The following ARMC2 variants were observed in gnomAD, a reference collection of about 807,000 sequenced individuals.
The protein encoded by ARMC2 is armadillo repeat containing 2.
Under a neutral mutation model 90.3 loss-of-function variants are expected in ARMC2, and 67 were observed. The observed-to-expected ratio is 0.74, with a 90% CI of 0.61 to 0.91. ARMC2 has a LOEUF of 0.91. Among genes scored for constraint, ARMC2 ranks in the 40% least tolerant of loss-of-function variants. The pLI, the probability that ARMC2 is intolerant of heterozygous loss-of-function variation, is 0.00. For missense variants in ARMC2, 920 were observed against 1,030.9 expected (o/e 0.89, Z 1.47); for synonymous variants, 393 against 393.0 (o/e 1.00, Z 0.00).
intron 12 of ARMC2, among the ~76,000 whole-genome samples, chr6:108,939,073 C>G (rs1776222356): frequency 6.6e-6 from 1 of 152,060 alleles, no homozygotes; most frequent in Non-Finnish European, 1.5e-5. Flanking sequence ...ACCACTTCAG[C>G]CTCCCAAAGT....
chr6:108,884,989 G>A (rs981443344), intron 5 of ARMC2, among the ~76,000 whole-genome samples: 3 of 152,148 alleles, frequency 2.0e-5, no homozygotes, highest in Non-Finnish European at 4.4e-5. Flanking sequence ...TGTACTGAAC[G>A]AAATCCTCAC....
the ARMC2 span, among the ~76,000 whole-genome samples, chr6:109,015,372 A>G: frequency 1.6e-4 from 25 of 152,318 alleles, no homozygotes; most frequent in African/African-American, 5.3e-4. Context: ...AAGAGCATGT[A>G]TGGATCACTT....
intron 5 of ARMC2, among the ~76,000 whole-genome samples, chr6:108,878,813 T>C: frequency 6.6e-6 from 1 of 152,188 alleles, no homozygotes; most frequent in Non-Finnish European, 1.5e-5. Context: ...TACTTCACCA[T>C]CACTTGCTTT....
chr6:108,950,938 G>A (rs1417419155), intron 12 of ARMC2, among the ~76,000 whole-genome samples: 1 of 152,154 alleles, frequency 6.6e-6, no homozygotes, highest in Non-Finnish European at 1.5e-5. Context: ...TCAAAACTCT[G>A]GTGAGACTAC....
intron 8 of ARMC2, among the ~76,000 whole-genome samples, chr6:108,904,658 A>G (rs1014857484): frequency 5.4e-5 from 8 of 147,662 alleles, no homozygotes; most frequent in African/African-American, 9.9e-5. Flanking sequence ...AAAAAAAAAA[A>G]AAGAAGAAGA....
chr6:109,025,001 G>A, the ARMC2 span, among the ~76,000 whole-genome samples: 7 of 152,284 alleles, frequency 4.6e-5, no homozygotes, highest in South Asian at 1.5e-3. Context: ...TAGGGAGACA[G>A]TGAGCACTAA....
At chr6:108,903,135 T>C (rs1185435320) in intron 7 of ARMC2, among the ~76,000 whole-genome samples, 3 of 152,128 alleles carry the variant, frequency 2.0e-5, no homozygotes, top group Non-Finnish European at 4.4e-5. Flanking sequence ...ACCACTACAC[T>C]CCGGTCTGGG....
the ARMC2 span, chr6:109,000,481 C>T: frequency 6.6e-7 from 1 of 1,517,520 alleles, no homozygotes; most frequent in Non-Finnish European, 8.9e-7. Flanking sequence ...TATATTACCC[C>T]ACTGCTTACC....
intron 12 of ARMC2, among the ~76,000 whole-genome samples, chr6:108,938,912 G>C (rs1475354827): frequency 6.6e-6 from 1 of 152,142 alleles, no homozygotes; most frequent in Non-Finnish European, 1.5e-5. Flanking sequence ...TCACCAATAT[G>C]AGAGACTAGA....
chr6:108,984,327 A>C, the ARMC2 span, among the ~76,000 whole-genome samples: 5 of 152,034 alleles, frequency 3.3e-5, no homozygotes, highest in Admixed American at 6.5e-5. Flanking sequence ...AGATAACAGA[A>C]ATTTATTGCT....
intron 12 of ARMC2, among the ~76,000 whole-genome samples, chr6:108,949,108 A>G (rs1028914951): frequency 2.0e-5 from 3 of 152,244 alleles, no homozygotes; most frequent in African/African-American, 7.2e-5. Flanking sequence ...AATTTAGGGT[A>G]CAAAATGCAA....
chr6:108,958,659 C>T (rs2128509044), intron 13 of ARMC2, among the ~76,000 whole-genome samples: 1 of 152,316 alleles, frequency 6.6e-6, no homozygotes, highest in Middle Eastern at 3.4e-3. Context: ...GAAACTAGGG[C>T]TGTAGGCCCT....
intron 8 of ARMC2, among the ~76,000 whole-genome samples, chr6:108,907,458 C>CTTTTTTTTTTTTTT (rs759986578): frequency 9.6e-6 from 1 of 104,450 alleles, no homozygotes; most frequent in Admixed American, 1.0e-4. Flanking sequence ...TTCTTTCTTT[C>CTTTTTTTTTTTTTT]TTTTTTTTTT....
chr6:108,974,846 G>A (rs548200581), downstream of ARMC2, among the ~76,000 whole-genome samples: 2 of 152,142 alleles, frequency 1.3e-5, no homozygotes, highest in South Asian at 4.2e-4. Flanking sequence ...AGGCCGAGGC[G>A]GGCATATCAC....
At chr6:108,913,458 A>G (rs758984332) in intron 10 of ARMC2, among the ~76,000 whole-genome samples, 2 of 152,222 alleles carry the variant, frequency 1.3e-5, no homozygotes, top group African/African-American at 2.4e-5. Flanking sequence ...TCAATGATGC[A>G]CAGTTTTTCT....
At chr6:108,998,685 T>C in the ARMC2 span, 3 of 1,613,836 alleles carry the variant, frequency 1.9e-6, no homozygotes, top group African/African-American at 1.3e-5. Flanking sequence ...AGAATGATAG[T>C]GTGTGAGTAA....
At chr6:109,026,819 G>A in the ARMC2 span, among the ~76,000 whole-genome samples, 1 of 152,026 alleles carries the variant, frequency 6.6e-6, no homozygotes, top group South Asian at 2.1e-4. Flanking sequence ...AACTTCTTAA[G>A]TAACTGCCAA....
intron 12 of ARMC2, among the ~76,000 whole-genome samples, chr6:108,952,521 C>A (rs1014267794): frequency 1.3e-5 from 2 of 152,168 alleles, no homozygotes; most frequent in African/African-American, 2.4e-5. Flanking sequence ...TGCGTGGAGG[C>A]CAGGTGTGCT....
chr6:109,027,476 C>CAAAAA, the ARMC2 span, among the ~76,000 whole-genome samples: 178 of 27,308 alleles, frequency 6.5e-3, 18 homozygotes, highest in Middle Eastern at 0.024. Context: ...GACTCTGTCT[C>CAAAAA]AAAAAAAAAA....
Sources: gnomAD v4.1 joint callset for allele counts (sites outside exome capture counted in the v4.1 genomes callset) on GRCh38, gnomAD v4.1.1 for gene constraint, MANE v1.5 for transcripts, NCBI Gene and HGNC (gene_info 2026-07-23, HGNC 2026-07-21) for gene names.